WDR24: variants seen among roughly 807,000 people sequenced by gnomAD.
The protein encoded by WDR24 is GATOR2 complex protein WDR24.
In WDR24, 32 loss-of-function variants were observed where a neutral mutation model predicts 66.7. That is an observed-to-expected ratio of 0.48 (90% CI 0.36 to 0.64). The LOEUF is 0.64. Ranked by LOEUF, WDR24 falls within the 30% of genes least tolerant of loss-of-function variation. The probability of loss-of-function intolerance (pLI) is 0.00; values close to 1 mark genes in which losing one functional copy is unlikely to be tolerated. For missense variants in WDR24, 978 were observed against 1,144.1 expected, an observed-to-expected ratio of 0.85 and a Z score of 2.09; for synonymous variants, 565 against 469.1, an observed-to-expected ratio of 1.20 and a Z score of -2.64.
Position 687,221 on chromosome 16 carries a change from C to A in WDR24, c.855G>T (p.Arg285=), listed in dbSNP as rs768807981. 1 of 1,612,510 alleles carries A rather than the reference C, an allele frequency of 6.2e-7. No homozygotes were observed. The highest frequency in any genetic ancestry group is 8.5e-7 in the Non-Finnish European group (1 of 1,179,986). The change falls in exon 3 of 9, where the codon CGG becomes CGT. Residue 285 remains arginine, a synonymous_variant. Coordinates refer to ENST00000293883, the MANE Select transcript of WDR24 (RefSeq NM_032259.4). ...DHNIYVWDVR[R]PFVPAAMFEE... is the part of the protein sequence containing the mutation. ...CAAACATGGCAGCTGGCACGAAGGG[C>A]CGGCGCACGTCCCAAACATAGATGT...
chr16:684,968 C>G, intron 8 of WDR24, 24 bp downstream of exon 8: 1 of 1,538,438 alleles, frequency 6.5e-7, no homozygotes, highest in Non-Finnish European at 8.7e-7. Context: ...GCCCCTGCCC[C>G]ACCTCCCGAC....
Position 686,135 on chromosome 16 carries a change from CT to C in WDR24, c.1383del (p.Val462CysfsTer21), listed in dbSNP as rs2039902661. ...MLRIIYCSPGLVPTANLNHSV... is the reference protein window; with the variant it reads ...MLRIIYCSPGXVPTANLNHSV... The stretch of plus-strand genomic sequence containing the variant: ...CTGTGGTTGAGGTTTGCAGTGGGCA[CT>C]AGGCCAGGGCTGCAGTAGATGATCC... On this transcript the variant is annotated frameshift_variant, in exon 4 of 9. Transcript: ENST00000293883. LOFTEE classifies it high-confidence loss of function. The C allele has an allele frequency of 6.2e-7, 1 of 1,612,962 alleles. No homozygotes were observed. Among genetic ancestry groups the C allele is most frequent in the African/African-American group, 1.3e-5 (1 of 74,930 alleles).
In WDR24 at chr16:685,735, C is replaced by G. The variant is rs1201460297; in HGVS notation, c.1622G>C (p.Gly541Ala). ...GSDVPADYLL[G>A]DVEGEEDELY... ...CTCGTCCTCCTCACCTTCCACGTCA[C>G]CCAGCAGGTAGTCGGCAGGTACGTC... The change falls in exon 6 of 9, where the codon GGT (glycine) becomes GCT (alanine). Residue 541 changes from glycine (G) to alanine (A), a missense_variant. By Grantham distance (60) the Gly-to-Ala change is moderately conservative. Around this residue, in one of 2 missense-constraint regions of WDR24, gnomAD observed 676 missense variants for 617.5 expected, o/e 1.09. Coordinates refer to ENST00000293883, the MANE Select transcript of WDR24 (RefSeq NM_032259.4). 2 of 1,613,190 alleles carry G rather than the reference C, an allele frequency of 1.2e-6. No individual in the cohort carries two copies. Among genetic ancestry groups the G allele is most frequent in the Admixed American group, 3.3e-5 (2 of 60,002 alleles).
Position 684,924 on chromosome 16 carries a change from G to C in WDR24, c.2205-22C>G, listed in dbSNP as rs1029854104. On this transcript the variant is annotated intron_variant, in intron 8 of 8. Transcript: ENST00000293883. ...GCACCTGGGGGCGGGCGGGAGGGAG[G>C]GTGCCTCAGCGGGGGCTGCTGCGCT... 3.3e-6 allele frequency: 5 copies of C among 1,535,946 alleles called. No individual in the cohort carries two copies. The Admixed American group carries it at 9.9e-5, about 30-fold the overall frequency.
chr16:685,144 C>G lies in WDR24; in HGVS notation c.2052G>C (p.Leu684=), dbSNP rs748879826. The change falls in exon 8 of 9, where the codon CTG becomes CTC. Residue 684 remains leucine, a synonymous_variant. Coordinates refer to ENST00000293883, the MANE Select transcript of WDR24 (RefSeq NM_032259.4). ...ACACGTTCCAGAGGCGGAAGCGCTGCAGCAGGTCGATGTAGGAAGTGTACC... is the reference window on the plus strand; with the variant it reads ...ACACGTTCCAGAGGCGGAAGCGCTGGAGCAGGTCGATGTAGGAAGTGTACC... The part of the protein sequence containing the change: ...EHWYTSYIDL[L]QRFRLWNVSN... The G allele has an allele frequency of 3.2e-6, 5 of 1,568,186 alleles. No homozygotes were observed. The South Asian group carries it at 5.8e-5, about 18-fold the overall frequency.
At position 690,055 on chromosome 16, in the gene WDR24, CCACACTGTCA is replaced by C. The variant is rs1269070371; in HGVS notation, c.-425_-416del. ...AGGGGAGCGAGGAGACTCCCGCCGT[CCACACTGTCA>C]GCCCTGAGGGCGGCGGGGCTCTAGG... On this transcript the variant is annotated 5_prime_UTR_variant, in exon 1 of 9. Transcript: ENST00000293883. 2 of 472,280 alleles carry C rather than the reference CCACACTGTCA, an allele frequency of 4.2e-6. No homozygotes were observed. The highest frequency in any genetic ancestry group is 8.4e-6 in the Non-Finnish European group (2 of 237,840). The allele number at this position is 472,280 out of a possible 1,614,324, so 29.3% of individuals were successfully genotyped here. A position where few individuals can be genotyped will look rare whatever the true frequency, so the allele number is the denominator to read the frequency against.
Position 689,359 on chromosome 16 carries a change from G to T in WDR24, c.282C>A (p.Ala94=). 1 of 1,613,608 alleles carries T rather than the reference G, an allele frequency of 6.2e-7. No homozygotes were observed. Residue 94 remains alanine, a synonymous_variant, in exon 1 of 9, where the codon GCC becomes GCA. Coordinates refer to ENST00000293883, the MANE Select transcript of WDR24 (RefSeq NM_032259.4). ...TCCACGTGACCACCACGCCATTGGT[G>T]GCTGCTGTGGCCAGCAGGTTCTCAT... The part of the protein sequence containing the change: ...QMDENLLATA[A]TNGVVVTWNL...
intron 3 of WDR24, 148 bp from the exon 4 acceptor site, chr16:686,334 C>G (rs1335718206): frequency 1.1e-6 from 1 of 944,976 alleles, no homozygotes; most frequent in African/African-American, 1.7e-5. Flanking sequence ...AAAGCTGAGG[C>G]TCATGGGAAA....
rs147580262 is a variant in WDR24 at position 687,275 on chromosome 16, C to T, written c.801G>A (p.Leu267=). 1.2e-5 allele frequency: 20 copies of T among 1,611,690 alleles called. No individual in the cohort carries two copies. In the African/African-American group the frequency reaches 2.1e-4, roughly 17 times the overall value. The change falls in exon 3 of 9, where the codon CTG becomes CTA. Residue 267 remains leucine (L), a synonymous_variant. Transcript: ENST00000293883. ...GGTCCACCATCATGGAGCACGTGGC[C>T]AGGTGGTGGCGGCACTCTGGCCGCC... is the stretch of plus-strand genomic sequence containing the variant. ...VKWRPECRHH[L]ATCSMMVDHN...
In WDR24 at chr16:685,960, C is replaced by T; in HGVS notation, c.1482G>A (p.Leu494=). The T allele has an allele frequency of 6.2e-7, 1 of 1,613,158 alleles. No homozygotes were observed. The change falls in exon 5 of 9, where the codon TTG becomes TTA. Residue 494 remains leucine, a synonymous_variant. Coordinates refer to ENST00000293883, the MANE Select transcript of WDR24 (RefSeq NM_032259.4). The part of the protein sequence containing the change: ...SFNLKDMAPG[L]GSETRLDRSK... ...TGCGGTCCAGCCGCGTCTCACTGCC[C>T]AACCCTGGGGCCATATCCTTCAGGT... is the stretch of plus-strand genomic sequence containing the variant.
Position 690,366 on chromosome 16 carries a change from G to A in WDR24, c.-726C>T. 2.2e-6 allele frequency: 1 copy of A among 456,672 alleles called. No individual in the cohort carries two copies. Among genetic ancestry groups the A allele is most frequent in the Non-Finnish European group, 4.4e-6 (1 of 226,946 alleles). The allele number at this position is 456,672 out of a possible 1,614,324, so 28.3% of individuals were successfully genotyped here. A position where few individuals can be genotyped will look rare whatever the true frequency, so the allele number is the denominator to read the frequency against. On this transcript the variant is annotated 5_prime_UTR_variant, in exon 1 of 9. Transcript: ENST00000293883. ...CGAACCCCAATCTTTTACTAAAAGC[G>A]CACGGTTGTCCGGAACCGCCGCGCC...
chr16:685,634 C>T (rs775985664), intron 6 of WDR24, 37 bp from the exon 7 acceptor site: 4 of 1,610,620 alleles, frequency 2.5e-6, no homozygotes, highest in African/African-American at 1.3e-5. Context: ...CTGAGTCTGT[C>T]CTCCATCCGC....
Position 685,900 on chromosome 16 carries a change from G to C in WDR24, c.1542C>G (p.Leu514=). Residue 514 remains leucine (L), a synonymous_variant, in exon 5 of 9, where the codon CTC becomes CTG. Transcript: ENST00000293883. ...TGGTGATGAGTGTGGCCGAGGAGTC[G>C]AGCAGAACTGTGTCGCTCCGTGCAT... ...KGDARSDTVL[L]DSSATLITNE... The C allele has an allele frequency of 6.2e-7, 1 of 1,612,968 alleles. No individual in the cohort carries two copies. Among genetic ancestry groups the C allele is most frequent in the Middle Eastern group, 1.7e-4 (1 of 6,060 alleles).
chr16:685,102 C>T lies in WDR24; in HGVS notation c.2094G>A (p.Lys698=), dbSNP rs747552035. The stretch of plus-strand genomic sequence containing the variant: ...AGCTGACGGCGCGGCTGGTGCTCAG[C>T]TTGACCACCTCGTTGGACACGTTCC... ...RLWNVSNEVV[K]LSTSRAVSCL... is the part of the protein sequence containing the mutation. Residue 698 remains lysine (K), a synonymous_variant, in exon 8 of 9, where the codon AAG becomes AAA. Transcript: ENST00000293883. 2 of 1,556,518 alleles carry T rather than the reference C, an allele frequency of 1.3e-6. No individual in the cohort carries two copies. The highest frequency in any genetic ancestry group is 1.4e-5 in the African/African-American group (1 of 73,494).
rs753396009 is a variant in WDR24, at chr16:689,398, G to C, written c.243C>G (p.Val81=). ...GCAGGTTCTCATCCATCTGGTGCCA[G>C]ACCACGTCAGCACAGCTCAGGTTAA... ...PSLNLSCADV[V]WHQMDENLLA... Residue 81 remains valine, a synonymous_variant, in exon 1 of 9, where the codon GTC becomes GTG. Coordinates refer to ENST00000293883, the MANE Select transcript of WDR24 (RefSeq NM_032259.4). 6.2e-7 allele frequency: 1 copy of C among 1,613,670 alleles called. No homozygotes were observed. The highest frequency in any genetic ancestry group is 2.2e-5 in the East Asian group (1 of 44,886).
At chr16:684,926 T>G in intron 8 of WDR24, 24 bp from the exon 9 acceptor site, 1 of 1,534,788 alleles carries the variant, frequency 6.5e-7, no homozygotes, top group South Asian at 1.2e-5. Flanking sequence ...GGAGGGAGGG[T>G]GCCTCAGCGG....
chr16:688,600 T>C (rs2039935273), intron 1 of WDR24, among the ~76,000 whole-genome samples: 1 of 152,218 alleles, frequency 6.6e-6, no homozygotes, highest in African/African-American at 2.4e-5. Flanking sequence ...CCAGGATCTG[T>C]CTTAAGTGGC....
Position 687,353 on chromosome 16 carries a change from A to G in WDR24, c.723T>C (p.Arg241=), listed in dbSNP as rs371910844. ...MVKVWDMTTH[R]AKEMHCVQTI... ...TCTGCACACAGTGCATCTCCTTGGC[A>G]CGGTGCGTGGTCATGTCCCAGACCT... Residue 241 remains arginine, a synonymous_variant, in exon 3 of 9, where the codon CGT becomes CGC. Coordinates refer to ENST00000293883, the MANE Select transcript of WDR24 (RefSeq NM_032259.4). 1.3e-5 allele frequency: 21 copies of G among 1,604,468 alleles called. No homozygotes were observed. The African/African-American group carries it at 2.7e-4, about 20-fold the overall frequency.
Position 685,123 on chromosome 16 carries a change from G to C in WDR24, c.2073C>G (p.Asn691Lys). 1 of 1,560,112 alleles carries C rather than the reference G, an allele frequency of 6.4e-7. No homozygotes were observed. Among genetic ancestry groups the C allele is most frequent in the Non-Finnish European group, 8.7e-7 (1 of 1,152,848 alleles). The change falls in exon 8 of 9, where the codon AAC (asparagine) becomes AAG (lysine). Residue 691 changes from asparagine (N) to lysine (K), a missense_variant. Physicochemically the swap from Asn to Lys is moderately conservative, Grantham distance 94 (BLOSUM62 0). Coordinates refer to ENST00000293883, the MANE Select transcript of WDR24 (RefSeq NM_032259.4). ...IDLLQRFRLWNVSNEVVKLST... is the reference protein window; with the variant it reads ...IDLLQRFRLWKVSNEVVKLST... ...TCAGCTTGACCACCTCGTTGGACAC[G>C]TTCCAGAGGCGGAAGCGCTGCAGCA... is the stretch of plus-strand genomic sequence containing the variant.
Sources: gnomAD v4.1 joint callset for allele counts (sites outside exome capture counted in the v4.1 genomes callset) on GRCh38, gnomAD v4.1.1 for gene constraint, gnomAD v4.1.1 regional missense constraint, MANE v1.5 for transcripts, NCBI Gene and HGNC (gene_info 2026-07-23, HGNC 2026-07-21) for gene names.